CWC27: variants seen among roughly 807,000 people sequenced by gnomAD.
The protein encoded by CWC27 is spliceosome-associated protein CWC27 homolog.
In CWC27, 47 loss-of-function variants were observed where a neutral mutation model predicts 63.6. The observed-to-expected ratio is 0.74, with a 90% CI of 0.58 to 0.94. CWC27 has a LOEUF of 0.94. Among genes scored for constraint, CWC27 ranks in the 40% least tolerant of loss-of-function variants. The pLI is 0.00. For missense variants in CWC27, 495 were observed against 554.3 expected, an observed-to-expected ratio of 0.89 and a Z score of 1.07; for synonymous variants, 175 against 179.8, an observed-to-expected ratio of 0.97 and a Z score of 0.22.
intron 11 of CWC27, among the ~76,000 whole-genome samples, chr5:64,893,433 T>C (rs575825610): frequency 6.6e-5 from 10 of 152,264 alleles, no homozygotes; most frequent in Non-Finnish European, 1.3e-4. Context: ...TTGTACAGTT[T>C]AATCTGCATG....
rs576829676 is a variant in CWC27 at position 64,911,802 on chromosome 5, C to T, written c.1042+26256C>T. Among the ~76,000 whole-genome samples, 27 of 152,096 alleles carry T rather than the reference C, an allele frequency of 1.8e-4. No individual in the cohort carries two copies. The South Asian group carries it at 5.0e-3, about 28-fold the overall frequency. On this transcript the variant is annotated intron_variant, in intron 11 of 13. Coordinates refer to ENST00000381070, the MANE Select transcript of CWC27 (RefSeq NM_005869.4). ...TGAAAGTAGACAGACCGGCTGGGCA[C>T]GGTGGCTCAAGCCTGTAATCCCAGC...
chr5:64,967,733 C>T (rs1749045620), intron 11 of CWC27, among the ~76,000 whole-genome samples: 1 of 151,904 alleles, frequency 6.6e-6, no homozygotes, highest in South Asian at 2.1e-4. Context: ...AAAAAAATCT[C>T]AACCCTTACC....
chr5:64,846,108 A>G (rs529076159), intron 10 of CWC27, among the ~76,000 whole-genome samples: 4 of 152,350 alleles, frequency 2.6e-5, no homozygotes, highest in Middle Eastern at 3.4e-3. Flanking sequence ...AAACACAAAA[A>G]CTACCAATCA....
At chr5:64,891,510 GA>G (rs1747236699) in intron 11 of CWC27, among the ~76,000 whole-genome samples, 2 of 152,078 alleles carry the variant, frequency 1.3e-5, no homozygotes, top group Admixed American at 6.5e-5. Flanking sequence ...ACAATTACAT[GA>G]AGAATTTAAT....
intron 13 of CWC27, among the ~76,000 whole-genome samples, chr5:64,984,217 A>G (rs1040056280): frequency 6.6e-6 from 1 of 152,210 alleles, no homozygotes; most frequent in Non-Finnish European, 1.5e-5. Context: ...CTTCACATGC[A>G]CTTGACTCTA....
chr5:64,958,962 A>C (rs1021872613), intron 11 of CWC27, among the ~76,000 whole-genome samples: 1 of 152,186 alleles, frequency 6.6e-6, no homozygotes, highest in African/African-American at 2.4e-5. Flanking sequence ...AATTTTCATG[A>C]ACCTTTAGGA....
chr5:64,929,898 TAA>T (rs1230408524), intron 11 of CWC27, among the ~76,000 whole-genome samples: 1 of 141,538 alleles, frequency 7.1e-6, no homozygotes, highest in Admixed American at 7.1e-5. Flanking sequence ...AGCAAGTGTT[TAA>T]AAAAAAAAAA....
chr5:64,981,196 G>T (rs1749326725), intron 13 of CWC27, among the ~76,000 whole-genome samples: 1 of 151,898 alleles, frequency 6.6e-6, no homozygotes, highest in South Asian at 2.1e-4. Context: ...GATAAATACT[G>T]TTAATTTATA....
At chr5:64,780,685 ACGCGCACACG>A (rs199735559) in intron 2 of CWC27, among the ~76,000 whole-genome samples, 1,127 of 53,368 alleles carry the variant, frequency 0.021, 11 homozygotes, top group East Asian at 0.095. Context: ...TTGTATACAC[ACGCGCACACG>A]CGCGCACACA....
chr5:64,924,662 C>T (rs922639831), intron 11 of CWC27, among the ~76,000 whole-genome samples: 1 of 152,122 alleles, frequency 6.6e-6, no homozygotes, highest in Non-Finnish European at 1.5e-5. Context: ...AGAAAGGAAT[C>T]CAATTGGCCT....
In CWC27 at chr5:64,768,982, G is replaced by A. The variant is rs1428781146; in HGVS notation, c.-165G>A. On this transcript the variant is annotated 5_prime_UTR_variant, in exon 1 of 14. Coordinates refer to ENST00000381070, the MANE Select transcript of CWC27 (RefSeq NM_005869.4). ...GGCGGCGTCCGTGAGGGGCTCCTTT[G>A]GGCAGGGGTAGTGTTTGGTGTCCCT... 1 of 624,456 alleles carries A rather than the reference G, an allele frequency of 1.6e-6. No individual in the cohort carries two copies. 38.7% of individuals were successfully genotyped at this position (624,456 alleles called of 1,614,324 possible).
intron 11 of CWC27, among the ~76,000 whole-genome samples, chr5:64,921,596 T>C (rs976700779): frequency 2.6e-5 from 4 of 152,208 alleles, no homozygotes; most frequent in Non-Finnish European, 4.4e-5. Flanking sequence ...CAGTTGGGTC[T>C]TGCTTCTTTA....
chr5:64,868,978 A>T (rs1167779853), intron 10 of CWC27, among the ~76,000 whole-genome samples: 1 of 152,064 alleles, frequency 6.6e-6, no homozygotes, highest in Non-Finnish European at 1.5e-5. Context: ...TGATGTGAGG[A>T]TTCAATGAGA....
At chr5:64,866,347 T>C (rs966672519) in intron 10 of CWC27, among the ~76,000 whole-genome samples, 2 of 152,072 alleles carry the variant, frequency 1.3e-5, no homozygotes, top group East Asian at 3.9e-4. Context: ...TTTCTAAATA[T>C]GGCATATAGT....
chr5:64,987,039 CTGTTT>C (rs573474492), intron 13 of CWC27, among the ~76,000 whole-genome samples: 34 of 151,900 alleles, frequency 2.2e-4, no homozygotes, highest in South Asian at 1.5e-3. Flanking sequence ...TCAGTTTCCT[CTGTTT>C]TGTTTTGTTT....
chr5:64,863,607 A>T (rs1303287593), intron 10 of CWC27, among the ~76,000 whole-genome samples: 1 of 151,882 alleles, frequency 6.6e-6, no homozygotes, highest in African/African-American at 2.4e-5. Context: ...TGATCCTTCC[A>T]CGTCAGCCTC....
At chr5:64,844,970 C>G (rs1486484767) in intron 10 of CWC27, 4 of 456,636 alleles carry the variant, frequency 8.8e-6, no homozygotes, top group Non-Finnish European at 1.8e-5. Flanking sequence ...CCCGGCCCAA[C>G]TGCAGATCTC....
chr5:65,012,564 T>A (rs1749981160), intron 13 of CWC27, among the ~76,000 whole-genome samples: 1 of 152,218 alleles, frequency 6.6e-6, no homozygotes, highest in Non-Finnish European at 1.5e-5. Context: ...TTGGCTTTGT[T>A]TTACCAGTGT....
At chr5:64,894,110 AG>A (rs1338264628) in intron 11 of CWC27, among the ~76,000 whole-genome samples, 1 of 151,942 alleles carries the variant, frequency 6.6e-6, no homozygotes, top group African/African-American at 2.4e-5. Flanking sequence ...TTGTATTTTT[AG>A]TAGAGACGGG....
Sources: allele counts gnomAD v4.1 joint callset (sites outside exome capture counted in the v4.1 genomes callset), GRCh38; gene constraint gnomAD v4.1.1; transcripts MANE v1.5; gene names NCBI Gene and HGNC (gene_info 2026-07-23, HGNC 2026-07-21).